The following EXOC2 variants were observed in gnomAD, a reference collection of about 807,000 sequenced individuals.
The protein encoded by EXOC2 is exocyst complex component 2.
EXOC2 carries 70 observed loss-of-function variants against 131.8 expected under a neutral mutation model. The observed-to-expected ratio is 0.53, with a 90% confidence interval of 0.44 to 0.65. The LOEUF is 0.65. EXOC2 is among the 30% of genes least tolerant of loss of function. EXOC2 has a pLI of 0.00. For synonymous variants in EXOC2, 411 were observed against 398.4 expected, an observed-to-expected ratio of 1.03 and a Z score of -0.38; for missense variants, 923 against 1,108.6, an observed-to-expected ratio of 0.83 and a Z score of 2.38.
chr6:588,927 T>C (rs138380676), intron 11 of EXOC2, among the ~76,000 whole-genome samples: 1 of 152,280 alleles, frequency 6.6e-6, no homozygotes, highest in East Asian at 1.9e-4. Context: ...GATTCAGACC[T>C]TTGGTGATGG....
chr6:502,617 G>C (rs1764288083), intron 23 of EXOC2, among the ~76,000 whole-genome samples: 1 of 151,844 alleles, frequency 6.6e-6, no homozygotes, highest in Non-Finnish European at 1.5e-5. Flanking sequence ...TGAATGGGAA[G>C]AATAAAGGCA....
At chr6:582,383 C>T (rs976714481) in intron 11 of EXOC2, among the ~76,000 whole-genome samples, 9 of 152,160 alleles carry the variant, frequency 5.9e-5, no homozygotes, top group Non-Finnish European at 7.3e-5. Context: ...TTCTCACAGT[C>T]TACAATAGTG....
chr6:641,786 G>C (rs537984886), intron 1 of EXOC2, among the ~76,000 whole-genome samples: 1 of 152,086 alleles, frequency 6.6e-6, no homozygotes, highest in Admixed American at 6.5e-5. Context: ...TCCCACTTAA[G>C]ACCTTCGTCT....
intron 1 of EXOC2, chr6:679,148 A>G (rs1033778084): frequency 2.0e-5 from 3 of 152,178 alleles, no homozygotes; most frequent in African/African-American, 4.8e-5. Context: ...TACATCTTCT[A>G]TAAGTTAATA....
intron 7 of EXOC2, among the ~76,000 whole-genome samples, chr6:608,728 A>C (rs1022853572): frequency 6.6e-6 from 1 of 152,226 alleles, no homozygotes; most frequent in Non-Finnish European, 1.5e-5. Context: ...AAACCGGAAC[A>C]AGGATCTCCT....
At chr6:647,361 C>G (rs1189893341) in intron 1 of EXOC2, among the ~76,000 whole-genome samples, 1 of 151,338 alleles carries the variant, frequency 6.6e-6, no homozygotes, top group Non-Finnish European at 1.5e-5. Context: ...GTCAGAGATC[C>G]TCAGCGGTTT....
intron 23 of EXOC2, among the ~76,000 whole-genome samples, chr6:526,670 C>T (rs150278143): frequency 6.6e-6 from 1 of 151,790 alleles, no homozygotes; most frequent in Non-Finnish European, 1.5e-5. Flanking sequence ...GAACTCCCGA[C>T]CTCAGGTGAT....
chr6:607,635 C>A (rs1213344181), intron 7 of EXOC2, among the ~76,000 whole-genome samples: 1 of 152,224 alleles, frequency 6.6e-6, no homozygotes, highest in African/African-American at 2.4e-5. Flanking sequence ...CTCAGTTGTA[C>A]TAGTCACATT....
chr6:486,512 T>G lies in EXOC2; in HGVS notation c.*159A>C. 1.7e-6 allele frequency: 1 copy of G among 601,168 alleles called. No individual in the cohort carries two copies. Among genetic ancestry groups the G allele is most frequent in the Non-Finnish European group, 2.9e-6 (1 of 339,632 alleles). 37.2% of individuals were successfully genotyped at this position (601,168 alleles called of 1,614,324 possible). On this transcript the variant is annotated 3_prime_UTR_variant, in exon 28 of 28. Coordinates refer to ENST00000230449, the MANE Select transcript of EXOC2 (RefSeq NM_018303.6). Reference sequence around the variant, plus strand: ...CCTGGGCATTTCAAATGAGGTCATTTTGGTTGAAATGTATACCAACAATTT... The same window carrying G: ...CCTGGGCATTTCAAATGAGGTCATTGTGGTTGAAATGTATACCAACAATTT...
chr6:615,948 T>C (rs1367837784), intron 6 of EXOC2, among the ~76,000 whole-genome samples: 1 of 152,124 alleles, frequency 6.6e-6, no homozygotes, highest in Non-Finnish European at 1.5e-5. Context: ...TGGTTAACTA[T>C]GATAATATCA....
At chr6:663,372 A>G (rs1763502375) in intron 1 of EXOC2, among the ~76,000 whole-genome samples, 1 of 152,150 alleles carries the variant, frequency 6.6e-6, no homozygotes, top group Admixed American at 6.5e-5. Flanking sequence ...ACACTCAAAG[A>G]ATTGGTACCA....
At chr6:622,517 T>C (rs1450558595) in intron 4 of EXOC2, among the ~76,000 whole-genome samples, 1 of 152,098 alleles carries the variant, frequency 6.6e-6, no homozygotes, top group East Asian at 1.9e-4. Flanking sequence ...TAAGAGCTGA[T>C]GATGTGAAGA....
At chr6:491,269 G>A (rs1763417626) in intron 25 of EXOC2, 83 bp from the exon 26 acceptor site, 10 of 1,398,296 alleles carry the variant, frequency 7.2e-6, no homozygotes, top group African/African-American at 1.4e-5. Flanking sequence ...AGGGTCTCCA[G>A]CCTGCTCATC....
At chr6:685,700 T>C (rs1408034624) in intron 1 of EXOC2, among the ~76,000 whole-genome samples, 1 of 151,900 alleles carries the variant, frequency 6.6e-6, no homozygotes, top group Non-Finnish European at 1.5e-5. Context: ...CCCCAAATCA[T>C]AGTTAACAAA....
At chr6:617,684 A>G in intron 6 of EXOC2, 27 bp downstream of exon 6, 1 of 1,601,928 alleles carries the variant, frequency 6.2e-7, no homozygotes, top group Non-Finnish European at 8.5e-7. Context: ...GGAAGCTGCC[A>G]GCAGATGGCT....
intron 1 of EXOC2, among the ~76,000 whole-genome samples, chr6:679,806 A>C (rs535190455): frequency 2.4e-4 from 37 of 152,386 alleles, no homozygotes; most frequent in Non-Finnish European, 4.6e-4. Context: ...CAAATTAGCG[A>C]AATAGAAAGA....
chr6:487,021 C>G (rs747882449), intron 27 of EXOC2, among the ~76,000 whole-genome samples: 92 of 152,204 alleles, frequency 6.0e-4, no homozygotes, highest in Non-Finnish European at 1.2e-3. Context: ...TAGATTCCTC[C>G]CTAATACAGA....
Position 569,576 on chromosome 6 carries a change from A to T in EXOC2, c.1443+2944T>A, listed in dbSNP as rs151117141. ...GCCCCAGAACTCTTCCCAGAATTCA[A>T]TCCAGCTTCTGGGTTTCACTTGCAG... On this transcript the variant is annotated intron_variant, in intron 13 of 27. Coordinates refer to ENST00000230449, the MANE Select transcript of EXOC2 (RefSeq NM_018303.6). 2.7e-3 allele frequency among the ~76,000 whole-genome samples: 405 copies of T among 152,354 alleles called. 1 individual carries two copies. The highest frequency in any genetic ancestry group is 9.1e-3 in the African/African-American group (377 of 41,576).
At chr6:513,956 A>G (rs932083141) in intron 23 of EXOC2, among the ~76,000 whole-genome samples, 1 of 152,218 alleles carries the variant, frequency 6.6e-6, no homozygotes, top group Admixed American at 6.5e-5. Flanking sequence ...TACTATTTTT[A>G]GACTCTTGAT....
Sources: gnomAD v4.1 joint callset for allele counts (sites outside exome capture counted in the v4.1 genomes callset) on GRCh38, gnomAD v4.1.1 for gene constraint, MANE v1.5 for transcripts, NCBI Gene and HGNC (gene_info 2026-07-23, HGNC 2026-07-21) for gene names.